PCDH15: variants seen among roughly 807,000 people sequenced by gnomAD.
The protein encoded by PCDH15 is protocadherin-15.
Under a neutral mutation model 178.5 loss-of-function variants are expected in PCDH15, and 129 were observed. The ratio of observed to expected loss-of-function variants is 0.72; its 90% CI spans 0.63 to 0.84. The LOEUF (loss-of-function observed/expected upper bound fraction) is 0.84. Among genes scored for constraint, PCDH15 ranks in the 40% least tolerant of loss-of-function variants. The pLI, the probability that PCDH15 is intolerant of heterozygous loss-of-function variation, is 0.00. For missense variants in PCDH15, 2,230 were observed against 2,099.9 expected, an observed-to-expected ratio of 1.06 and a Z score of -1.21; for synonymous variants, 800 against 732.0, an observed-to-expected ratio of 1.09 and a Z score of -1.50.
At chr10:55,197,966 T>C (rs1035848684) in intron 1 of PCDH15, among the ~76,000 whole-genome samples, 1 of 152,158 alleles carries the variant, frequency 6.6e-6, no homozygotes, top group African/African-American at 2.4e-5. Flanking sequence ...AGGCTGAATA[T>C]AATGTGCTGA....
chr10:54,302,028 A>C (rs2133280941), intron 8 of PCDH15, among the ~76,000 whole-genome samples: 1 of 152,330 alleles, frequency 6.6e-6, no homozygotes, highest in South Asian at 2.1e-4. Flanking sequence ...TTAGGAATAA[A>C]ATGTAAAACC....
chr10:54,369,196 A>G lies in PCDH15; in HGVS notation c.398T>C (p.Val133Ala). The G allele has an allele frequency of 1.2e-6, 2 of 1,612,996 alleles. No homozygotes were observed. Among genetic ancestry groups the G allele is most frequent in the South Asian group, 1.1e-5 (1 of 91,054 alleles). Residue 133 changes from valine to alanine, a missense_variant, in exon 5 of 38, where the codon GTG (valine) becomes GCG (alanine). Physicochemically the swap from Val to Ala is moderately conservative, Grantham distance 64. Transcript: ENST00000644397. ...KKVGTIIYHE[V>A]RIVVRDRNDN... is the part of the protein sequence containing the mutation. ...ATTCCTGTCTCTCACCACTATTCGC[A>G]CTTCATGGTAGATAATAGTGCCCAC...
chr10:55,092,223 C>T (rs887386880), intron 2 of PCDH15, among the ~76,000 whole-genome samples: 1 of 151,684 alleles, frequency 6.6e-6, no homozygotes, highest in Non-Finnish European at 1.5e-5. Flanking sequence ...GATAACCTTC[C>T]CTCTATATAA....
At chr10:54,486,593 TTC>T (rs1213047757) in intron 3 of PCDH15, among the ~76,000 whole-genome samples, 1 of 151,866 alleles carries the variant, frequency 6.6e-6, no homozygotes, top group Non-Finnish European at 1.5e-5. Context: ...TTCCTTTCTT[TTC>T]TTTCTTTCTT....
intron 37 of PCDH15, chr10:53,808,922 T>A: frequency 6.4e-7 from 1 of 1,570,240 alleles, no homozygotes; most frequent in South Asian, 1.2e-5. Context: ...TCAGGGTCTG[T>A]ACTTTCTTCC....
chr10:54,031,600 GT>G (rs1164462989), intron 18 of PCDH15, among the ~76,000 whole-genome samples: 5 of 152,002 alleles, frequency 3.3e-5, no homozygotes, highest in African/African-American at 1.2e-4. Flanking sequence ...TATTCCTGTA[GT>G]TGGGTGTTAT....
intron 2 of PCDH15, among the ~76,000 whole-genome samples, chr10:55,082,102 C>A (rs1842053518): frequency 1.3e-5 from 2 of 152,116 alleles, no homozygotes; most frequent in African/African-American, 2.4e-5. Flanking sequence ...TAGAACATTT[C>A]ATCTAACTGC....
intron 1 of PCDH15, among the ~76,000 whole-genome samples, chr10:55,229,149 C>A (rs1841140347): frequency 6.6e-6 from 1 of 151,686 alleles, no homozygotes; most frequent in Non-Finnish European, 1.5e-5. Context: ...ATATAGAATT[C>A]TCTCCAACGT....
intron 2 of PCDH15, among the ~76,000 whole-genome samples, chr10:55,062,764 A>G (rs548387709): frequency 3.3e-4 from 51 of 152,252 alleles, no homozygotes; most frequent in Non-Finnish European, 6.6e-4. Flanking sequence ...ATTACTATAG[A>G]CTCATCAATT....
intron 15 of PCDH15, among the ~76,000 whole-genome samples, chr10:54,096,896 C>A (rs2094710103): frequency 6.6e-6 from 1 of 152,216 alleles, no homozygotes; most frequent in South Asian, 2.1e-4. Context: ...CTCTAACAGT[C>A]TTTTAATTTT....
intron 18 of PCDH15, among the ~76,000 whole-genome samples, chr10:54,048,608 T>C (rs2093702813): frequency 6.6e-6 from 1 of 152,182 alleles, no homozygotes; most frequent in Non-Finnish European, 1.5e-5. Flanking sequence ...TTTTATTCTT[T>C]TGCATATGGA....
chr10:55,453,930 C>A (rs9633612), intron 2 of PCDH15, among the ~76,000 whole-genome samples: 31,883 of 151,862 alleles, frequency 0.21, 3,421 homozygotes, highest in Middle Eastern at 0.28. Context: ...TCATTTTCAC[C>A]CCTTCACATC....
chr10:55,540,147 A>T (rs1037233064), intron 2 of PCDH15, among the ~76,000 whole-genome samples: 3 of 152,076 alleles, frequency 2.0e-5, no homozygotes, highest in Admixed American at 1.3e-4. Context: ...CTATTTTTTC[A>T]AGTGCATAGT....
chr10:55,033,533 C>T (rs1301504183), intron 2 of PCDH15, among the ~76,000 whole-genome samples: 3 of 152,132 alleles, frequency 2.0e-5, no homozygotes, highest in South Asian at 2.1e-4. Context: ...GGAATATAAA[C>T]GACTGTCTTG....
chr10:54,389,834 C>T (rs1334738046), intron 3 of PCDH15, among the ~76,000 whole-genome samples: 1 of 150,978 alleles, frequency 6.6e-6, no homozygotes, highest in Non-Finnish European at 1.5e-5. Context: ...CGCCTGTAAT[C>T]CCAGCTACTT....
At chr10:54,523,394 A>G (rs11004346) in intron 3 of PCDH15, among the ~76,000 whole-genome samples, 26,331 of 152,108 alleles carry the variant, frequency 0.17, 2,527 homozygotes, top group East Asian at 0.44. Context: ...TAACAGATTC[A>G]TTTCTATTCA....
chr10:55,202,784 A>G (rs1160191837), intron 1 of PCDH15, among the ~76,000 whole-genome samples: 1 of 152,076 alleles, frequency 6.6e-6, no homozygotes, highest in Non-Finnish European at 1.5e-5. Context: ...TTCTCACAAG[A>G]TCTGATGGTT....
At chr10:54,427,768 C>G (rs919452678) in intron 3 of PCDH15, among the ~76,000 whole-genome samples, 2 of 152,058 alleles carry the variant, frequency 1.3e-5, no homozygotes, top group Admixed American at 1.3e-4. Context: ...TGTAAAGGTA[C>G]ACATTTATAT....
chr10:54,666,788 C>G (rs1158858227), intron 1 of PCDH15, among the ~76,000 whole-genome samples: 1 of 151,890 alleles, frequency 6.6e-6, no homozygotes, highest in Non-Finnish European at 1.5e-5. Context: ...TAGTTGTGTT[C>G]CTGTGTGGGT....
Sources: gnomAD v4.1 joint callset for allele counts (sites outside exome capture counted in the v4.1 genomes callset) on GRCh38, gnomAD v4.1.1 for gene constraint, MANE v1.5 for transcripts, NCBI Gene and HGNC (gene_info 2026-07-23, HGNC 2026-07-21) for gene names.